The following TUSC3 variants were observed in gnomAD, a reference collection of about 807,000 sequenced individuals.
TUSC3 encodes the protein dolichyl-diphosphooligosaccharide--protein glycosyltransferase subunit TUSC3.
In TUSC3, 45 loss-of-function variants were observed where a neutral mutation model predicts 44.8. That is an observed-to-expected ratio of 1.00 (90% CI 0.79 to 1.29). The LOEUF is 1.29. Ranked by LOEUF, TUSC3 falls within the 50% of genes most tolerant of loss-of-function variation. The pLI is 0.00. For synonymous variants in TUSC3, 212 were observed against 152.9 expected, an observed-to-expected ratio of 1.39 and a Z score of -2.85; for missense variants, 519 against 437.9, an observed-to-expected ratio of 1.19 and a Z score of -1.65.
At chr8:15,844,545 C>G in the TUSC3 span, among the ~76,000 whole-genome samples, 5 of 152,264 alleles carry the variant, frequency 3.3e-5, no homozygotes, top group East Asian at 7.7e-4. Context: ...GATCACATGT[C>G]CATAACTCAG....
intron 6 of TUSC3, among the ~76,000 whole-genome samples, chr8:15,720,927 C>T (rs573799011): frequency 3.9e-5 from 6 of 152,208 alleles, no homozygotes; most frequent in African/African-American, 1.4e-4. Flanking sequence ...GGGTTCTTGT[C>T]ATCCATGTTC....
chr8:15,572,569 A>G (rs999612354), intron 1 of TUSC3, among the ~76,000 whole-genome samples: 1 of 152,176 alleles, frequency 6.6e-6, no homozygotes, highest in African/African-American at 2.4e-5. Context: ...TGCATTAACA[A>G]CTTGTCTAAC....
At chr8:15,641,818 G>A (rs1055857152) in intron 2 of TUSC3, among the ~76,000 whole-genome samples, 1 of 152,118 alleles carries the variant, frequency 6.6e-6, no homozygotes, top group Non-Finnish European at 1.5e-5. Context: ...ACATTGTTTG[G>A]AAGTCATGAT....
the TUSC3 span, among the ~76,000 whole-genome samples, chr8:15,837,588 G>C: frequency 6.6e-6 from 1 of 151,838 alleles, no homozygotes; most frequent in Non-Finnish European, 1.5e-5. Context: ...CCGAAGTTCT[G>C]TGATTTTTCC....
At chr8:15,516,362 A>C (rs1801215589) in intron 2 of TUSC3, among the ~76,000 whole-genome samples, 1 of 152,166 alleles carries the variant, frequency 6.6e-6, no homozygotes, top group African/African-American at 2.4e-5. Context: ...TTTATGTACT[A>C]GCTGACTTCT....
At chr8:15,692,861 AT>A (rs1251823959) in intron 6 of TUSC3, among the ~76,000 whole-genome samples, 1 of 152,102 alleles carries the variant, frequency 6.6e-6, no homozygotes, top group Non-Finnish European at 1.5e-5. Flanking sequence ...GTGCATATAT[AT>A]TTAAGATAGT....
the TUSC3 span, among the ~76,000 whole-genome samples, chr8:15,840,185 C>G: frequency 8.7e-4 from 133 of 152,100 alleles, no homozygotes; most frequent in African/African-American, 3.2e-3. Context: ...AATGAGAACA[C>G]TTGGACACAG....
At chr8:15,767,324 A>G (rs147977152), downstream of TUSC3, among the ~76,000 whole-genome samples, 49 of 152,154 alleles carry the variant, frequency 3.2e-4, no homozygotes, top group Non-Finnish European at 6.2e-4. Context: ...ATCATGTCAC[A>G]TTTACCCAAA....
At chr8:15,463,063 C>A (rs893041118) in intron 1 of TUSC3, among the ~76,000 whole-genome samples, 8 of 152,044 alleles carry the variant, frequency 5.3e-5, no homozygotes, top group African/African-American at 1.9e-4. Flanking sequence ...TCTTCCTCTA[C>A]CTTCTCCTTT....
intron 2 of TUSC3, among the ~76,000 whole-genome samples, chr8:15,631,305 C>A (rs1340038492): frequency 6.6e-6 from 1 of 152,134 alleles, no homozygotes; most frequent in Admixed American, 6.5e-5. Context: ...GGTGTCTCTT[C>A]CTCAGATAGG....
At chr8:15,763,392 G>C (rs976240251) in intron 10 of TUSC3, among the ~76,000 whole-genome samples, 5 of 149,772 alleles carry the variant, frequency 3.3e-5, no homozygotes, top group African/African-American at 1.2e-4. Flanking sequence ...TTTTTTTTTT[G>C]ATGTTGTTGT....
At chr8:15,847,415 C>G in the TUSC3 span, among the ~76,000 whole-genome samples, 4 of 152,082 alleles carry the variant, frequency 2.6e-5, no homozygotes, top group African/African-American at 9.7e-5. Context: ...CTCATTCACT[C>G]GAAATGTTTG....
intron 6 of TUSC3, among the ~76,000 whole-genome samples, chr8:15,706,222 A>G (rs1014741828): frequency 6.6e-6 from 1 of 151,968 alleles, no homozygotes; most frequent in African/African-American, 2.4e-5. Flanking sequence ...ATATTTTGGT[A>G]TATATTTATG....
chr8:15,417,504 C>T (rs1313659263), intron 1 of TUSC3, among the ~76,000 whole-genome samples: 1 of 152,144 alleles, frequency 6.6e-6, no homozygotes, highest in Non-Finnish European at 1.5e-5. Context: ...AGACTTGGAT[C>T]CTGACCTGTA....
the TUSC3 span, among the ~76,000 whole-genome samples, chr8:15,825,674 T>C: frequency 7.9e-5 from 12 of 152,234 alleles, no homozygotes; most frequent in South Asian, 2.5e-3. Context: ...AAACAGAACA[T>C]ACATACAAAT....
rs182396892 is a variant in TUSC3, at chr8:15,757,168, G to A, written c.1029-623G>A. On this transcript the variant is annotated intron_variant, in intron 9 of 10. Transcript: ENST00000503731. ...AACTCGTTCTTAAAAAAGAGGTATCGCAGTTCCAATTCTAAGCTGGGTGAT... is the reference window on the plus strand; with the variant it reads ...AACTCGTTCTTAAAAAAGAGGTATCACAGTTCCAATTCTAAGCTGGGTGAT... Among the ~76,000 whole-genome samples the A allele has an allele frequency of 1.6e-3, 246 of 152,162 alleles. 2 individuals are homozygous for A. The highest frequency in any genetic ancestry group is 5.5e-3 in the African/African-American group (230 of 41,530).
At chr8:15,456,672 G>A (rs765656334) in intron 1 of TUSC3, among the ~76,000 whole-genome samples, 2 of 152,062 alleles carry the variant, frequency 1.3e-5, no homozygotes, top group Non-Finnish European at 2.9e-5. Flanking sequence ...TTCAATAAAT[G>A]AAAAAGAGTA....
intron 1 of TUSC3, among the ~76,000 whole-genome samples, chr8:15,581,861 C>CGTCTGCTTT (rs1803362801): frequency 1.1e-5 from 1 of 92,266 alleles, no homozygotes. Flanking sequence ...TGGAGCTTCC[C>CGTCTGCTTT]GTTTACCTAA....
At chr8:15,719,869 T>C (rs909077986) in intron 6 of TUSC3, among the ~76,000 whole-genome samples, 8 of 152,062 alleles carry the variant, frequency 5.3e-5, no homozygotes, top group Non-Finnish European at 1.2e-4. Context: ...TCCAAATCAT[T>C]TGTGTATGAG....
Sources: allele counts gnomAD v4.1 joint callset (sites outside exome capture counted in the v4.1 genomes callset), GRCh38; gene constraint gnomAD v4.1.1; transcripts MANE v1.5; gene names NCBI Gene and HGNC (gene_info 2026-07-23, HGNC 2026-07-21).